Variants in ZNF700 observed in about 807,000 individuals in gnomAD.
The protein encoded by ZNF700 is zinc finger protein 700.
Under a neutral mutation model 65.3 loss-of-function variants are expected in ZNF700, and 38 were observed. The ratio of observed to expected loss-of-function variants is 0.58; its 90% CI spans 0.45 to 0.76. The LOEUF (loss-of-function observed/expected upper bound fraction) is 0.76. Among genes scored for constraint, ZNF700 ranks in the 30% least tolerant of loss-of-function variants. The pLI is 0.00. For missense variants in ZNF700, 857 were observed against 888.4 expected, an observed-to-expected ratio of 0.96 and a Z score of 0.45; for synonymous variants, 285 against 290.4, an observed-to-expected ratio of 0.98 and a Z score of 0.19.
intron 1 of ZNF700, among the ~76,000 whole-genome samples, chr19:11,930,847 A>G (rs990135176): frequency 6.8e-6 from 1 of 147,958 alleles, no homozygotes; most frequent in Non-Finnish European, 1.5e-5. Context: ...TTAAAATTCA[A>G]AATTAGCCAA....
At position 11,949,868 on chromosome 19, in the gene ZNF700, C is replaced by G. The variant is rs757652634; in HGVS notation, c.1844C>G (p.Thr615Ser). 5.0e-6 allele frequency: 8 copies of G among 1,613,926 alleles called. 1 individual carries two copies. The highest frequency in any genetic ancestry group is 2.7e-5 in the African/African-American group (2 of 74,878). Reference protein sequence around the residue: ...SNLRKHGRTHTGEKPYECKQC... With the variant: ...SNLRKHGRTHSGEKPYECKQC... ...CTTCGAAAGCATGGTAGGACTCACA[C>G]TGGAGAGAAACCCTATGAGTGTAAG... The change falls in exon 4 of 4, where the codon ACT becomes AGT. Residue 615 changes from threonine to serine, a missense_variant. This residue lies in a region of ZNF700 where 251 missense variants were observed against 250.3 expected (regional missense o/e 1.00). Coordinates refer to ENST00000254321, the MANE Select transcript of ZNF700 (RefSeq NM_144566.3).
In ZNF700 at chr19:11,949,920, C is replaced by T. The variant is rs919657309; in HGVS notation, c.1896C>T (p.Ala632=). Residue 632 remains alanine, a synonymous_variant, in exon 4 of 4, where the codon GCC becomes GCT. Coordinates refer to ENST00000254321, the MANE Select transcript of ZNF700 (RefSeq NM_144566.3). ...AATGTGGGAAAGCCTTCAGATCTGC[C>T]TCAAACCTTCAGATGCATGAAAGGA... ...CKQCGKAFRS[A]SNLQMHERTH... 3 of 1,613,900 alleles carry T rather than the reference C, an allele frequency of 1.9e-6. No homozygotes were observed. The East Asian group carries it at 6.7e-5, about 36-fold the overall frequency.
At chr19:11,929,955 A>G (rs1244018579) in intron 1 of ZNF700, among the ~76,000 whole-genome samples, 4 of 148,098 alleles carry the variant, frequency 2.7e-5, no homozygotes, top group East Asian at 1.9e-4. Flanking sequence ...GCAGGGTGAT[A>G]TGTCTTCAGT....
chr19:11,946,882 C>A, intron 1 of ZNF700: 1 of 341,994 alleles, frequency 2.9e-6, no homozygotes, highest in Non-Finnish European at 5.0e-6. Context: ...TGCCTATAAT[C>A]CCAGCTACTC....
At chr19:11,944,815 G>A (rs747394680) in intron 1 of ZNF700, among the ~76,000 whole-genome samples, 9 of 152,170 alleles carry the variant, frequency 5.9e-5, no homozygotes, top group Non-Finnish European at 1.3e-4. Flanking sequence ...TTTCAGCAAG[G>A]GCTGATAAAT....
rs772949195 is a variant in ZNF700 at position 11,950,353 on chromosome 19, TATC to T, written c.*103_*105del. On this transcript the variant is annotated 3_prime_UTR_variant, in exon 4 of 4. Transcript: ENST00000254321. ...TTTCACATTTTCCAGTTCTTTTCGA[TATC>T]ATGAAAGGACTCACACTGGGGAGAA... 6.7e-5 allele frequency: 81 copies of T among 1,203,380 alleles called. No homozygotes were observed. In the South Asian group the frequency reaches 1.1e-3, roughly 16 times the overall value. 74.5% of individuals were successfully genotyped at this position (1,203,380 alleles called of 1,614,324 possible).
At position 11,950,446 on chromosome 19, in the gene ZNF700, A is replaced by G; in HGVS notation, c.*193A>G. 1.4e-6 allele frequency: 1 copy of G among 731,256 alleles called. No individual in the cohort carries two copies. The highest frequency in any genetic ancestry group is 2.4e-6 in the Non-Finnish European group (1 of 412,320). 45.3% of individuals were successfully genotyped at this position (731,256 alleles called of 1,614,324 possible). On this transcript the variant is annotated 3_prime_UTR_variant, in exon 4 of 4. Coordinates refer to ENST00000254321, the MANE Select transcript of ZNF700 (RefSeq NM_144566.3). ...TTTTACTTCTTTTCAATGTCATGAA[A>G]GGACTCACACGGGAGAGAAACCCTA...
rs772980399 is a variant in ZNF700 at position 11,925,165 on chromosome 19, G to C, written c.-46G>C. On this transcript the variant is annotated 5_prime_UTR_variant, in exon 1 of 4. Coordinates refer to ENST00000254321, the MANE Select transcript of ZNF700 (RefSeq NM_144566.3). ...TAACCGGTCAGACCAGCCCGAGAGG[G>C]ACCTGGTGCCTGTACCCAGGCTTCT... The C allele has an allele frequency of 5.0e-6, 8 of 1,607,840 alleles. No homozygotes were observed. Among genetic ancestry groups the C allele is most frequent in the Non-Finnish European group, 6.8e-6 (8 of 1,175,886 alleles).
intron 2 of ZNF700, 63 bp downstream of exon 2, chr19:11,947,370 G>A: frequency 6.2e-7 from 1 of 1,609,532 alleles, no homozygotes; most frequent in Non-Finnish European, 8.5e-7. Context: ...GCTCATGAAT[G>A]CTGTTGAGTG....
intron 1 of ZNF700, among the ~76,000 whole-genome samples, chr19:11,941,202 C>G (rs556312922): frequency 6.6e-6 from 1 of 152,374 alleles, no homozygotes; most frequent in South Asian, 2.1e-4. Context: ...TCTCCACGTC[C>G]CCACCAGACT....
intron 1 of ZNF700, among the ~76,000 whole-genome samples, chr19:11,934,477 G>A (rs1314664586): frequency 6.7e-6 from 1 of 148,234 alleles, no homozygotes; most frequent in Non-Finnish European, 1.5e-5. Context: ...ACTGCACCAG[G>A]TATTTGCTGC....
rs771777896 is a variant in ZNF700, at chr19:11,948,518, A to G, written c.494A>G (p.Lys165Arg). Reference protein sequence around the residue: ...EYQEYGPKPYKCQQPKNKKAF... With the variant: ...EYQEYGPKPYRCQQPKNKKAF... ...CAGGAATATGGACCAAAGCCATATA[A>G]GTGTCAACAACCTAAAAATAAGAAA... Residue 165 changes from lysine (K) to arginine (R), a missense_variant, in exon 4 of 4, where the codon AAG becomes AGG. Lys to Arg is a conservative substitution (Grantham distance 26). Coordinates refer to ENST00000254321, the MANE Select transcript of ZNF700 (RefSeq NM_144566.3). The G allele has an allele frequency of 1.7e-5, 28 of 1,612,218 alleles. No homozygotes were observed. Among genetic ancestry groups the G allele is most frequent in the Non-Finnish European group, 2.3e-5 (27 of 1,179,650 alleles).
In ZNF700 at chr19:11,950,335, T is replaced by A; in HGVS notation, c.*82T>A. 7.0e-7 allele frequency: 1 copy of A among 1,424,102 alleles called. No individual in the cohort carries two copies. The highest frequency in any genetic ancestry group is 2.3e-5 in the East Asian group (1 of 43,786). The allele number at this position is 1,424,102 out of a possible 1,614,324, so 88.2% of individuals were successfully genotyped here. ...CAAGCAATGTGGCAAAACTTTCACA[T>A]TTTCCAGTTCTTTTCGATATCATGA... On this transcript the variant is annotated 3_prime_UTR_variant, in exon 4 of 4. Coordinates refer to ENST00000254321, the MANE Select transcript of ZNF700 (RefSeq NM_144566.3).
Position 11,930,921 on chromosome 19 carries a change from C to T in ZNF700, c.63+5648C>T, listed in dbSNP as rs537541705. ...GGCTGAGGCAGGAGAATCACTTGAACCTGGGAGGTGGAGATTGCAGTGAGC... is the reference window on the plus strand; with the variant it reads ...GGCTGAGGCAGGAGAATCACTTGAATCTGGGAGGTGGAGATTGCAGTGAGC... On this transcript the variant is annotated intron_variant, in intron 1 of 3. Transcript: ENST00000254321. 6.1e-5 allele frequency among the ~76,000 whole-genome samples: 9 copies of T among 147,334 alleles called. 2 individuals are homozygous for T. The highest frequency in any genetic ancestry group is 1.9e-4 in the African/African-American group (7 of 37,298).
At chr19:11,932,371 T>A (rs1230661005) in intron 1 of ZNF700, among the ~76,000 whole-genome samples, 1 of 147,196 alleles carries the variant, frequency 6.8e-6, no homozygotes, top group Non-Finnish European at 1.5e-5. Flanking sequence ...ACAAAAAAAT[T>A]AGTTTCAATA....
At chr19:11,925,792 A>C (rs1330683986) in intron 1 of ZNF700, among the ~76,000 whole-genome samples, 1 of 152,246 alleles carries the variant, frequency 6.6e-6, no homozygotes, top group Non-Finnish European at 1.5e-5. Flanking sequence ...ATGTAAAATA[A>C]AGAAGTTTAT....
chr19:11,949,934 T>G lies in ZNF700; in HGVS notation c.1910T>G (p.Met637Arg), dbSNP rs760235035. Residue 637 changes from methionine (M) to arginine (R), a missense_variant, in exon 4 of 4, where the codon ATG (methionine) becomes AGG (arginine). Physicochemically the swap from Met to Arg is moderately conservative, Grantham distance 91 (BLOSUM62 -1). This residue lies in a region of ZNF700 where 251 missense variants were observed against 250.3 expected (regional missense o/e 1.00). Coordinates refer to ENST00000254321, the MANE Select transcript of ZNF700 (RefSeq NM_144566.3). ...TTCAGATCTGCCTCAAACCTTCAGA[T>G]GCATGAAAGGACTCACACTGGAGAG... ...KAFRSASNLQ[M>R]HERTHTGEKP... is the part of the protein sequence containing the mutation. 1 of 1,611,122 alleles carries G rather than the reference T, an allele frequency of 6.2e-7. No individual in the cohort carries two copies. The highest frequency in any genetic ancestry group is 1.1e-5 in the South Asian group (1 of 90,938).
chr19:11,942,569 CAG>C (rs1316202721), intron 1 of ZNF700, among the ~76,000 whole-genome samples: 1 of 152,124 alleles, frequency 6.6e-6, no homozygotes, highest in African/African-American at 2.4e-5. Flanking sequence ...ACCGAGCTCC[CAG>C]AGAGAGAGAA....
At chr19:11,944,422 G>A (rs975287118) in intron 1 of ZNF700, among the ~76,000 whole-genome samples, 6 of 152,114 alleles carry the variant, frequency 3.9e-5, no homozygotes, top group South Asian at 2.1e-4. Flanking sequence ...CCACCTTTCC[G>A]GAACTCTGAG....
Sources: allele counts gnomAD v4.1 joint callset (sites outside exome capture counted in the v4.1 genomes callset), GRCh38; gene constraint gnomAD v4.1.1; regional missense constraint gnomAD v4.1.1; transcripts MANE v1.5; gene names NCBI Gene and HGNC (gene_info 2026-07-23, HGNC 2026-07-21).